VPS53: variants seen among roughly 807,000 people sequenced by gnomAD.
The protein encoded by VPS53 is vacuolar protein sorting-associated protein 53 homolog.
Under a neutral mutation model 107.0 loss-of-function variants are expected in VPS53, and 70 were observed. That is an observed-to-expected ratio of 0.65 (90% CI 0.54 to 0.80). The LOEUF (loss-of-function observed/expected upper bound fraction) is 0.80, where lower values mean the gene tolerates loss of function less well. VPS53 is among the 30% of genes least tolerant of loss of function. VPS53 has a pLI of 0.00. For missense variants in VPS53, 917 were observed against 1,049.4 expected (o/e 0.87, Z 1.74); for synonymous variants, 409 against 393.3 (o/e 1.04, Z -0.47).
At chr17:563,549 C>G (rs1005891614) in intron 13 of VPS53, among the ~76,000 whole-genome samples, 9 of 152,178 alleles carry the variant, frequency 5.9e-5, no homozygotes, top group Admixed American at 5.9e-4. Flanking sequence ...CCACCTTGGC[C>G]TCCCAAAGTG....
chr17:619,577 C>T (rs544864273), intron 11 of VPS53, among the ~76,000 whole-genome samples: 1 of 124,740 alleles, frequency 8.0e-6, no homozygotes, highest in East Asian at 2.5e-4. Context: ...TGCACCACCA[C>T]ACCCCGCTAA....
chr17:559,182 GA>G (rs1157742436), intron 15 of VPS53, among the ~76,000 whole-genome samples: 1 of 152,114 alleles, frequency 6.6e-6, no homozygotes, highest in East Asian at 1.9e-4. Flanking sequence ...AGTGAATTAA[GA>G]TTGTAACATT....
chr17:625,852 G>C (rs1403936582), intron 10 of VPS53, among the ~76,000 whole-genome samples: 1 of 152,186 alleles, frequency 6.6e-6, no homozygotes, highest in African/African-American at 2.4e-5. Context: ...GGAAAAGGTG[G>C]TTGAGTTATG....
chr17:652,337 C>A (rs1295905453), intron 7 of VPS53, among the ~76,000 whole-genome samples: 2 of 152,184 alleles, frequency 1.3e-5, no homozygotes, highest in African/African-American at 4.8e-5. Context: ...GCAATCTATC[C>A]CATCCCACAT....
Position 653,525 on chromosome 17 carries a change from C to T in VPS53, c.489-115G>A, listed in dbSNP as rs989014022. The stretch of plus-strand genomic sequence containing the variant: ...ATATCAACTCAGCTGAATCAACGTT[C>T]GCTGAGCACTGAGTATATAAGCTGC... On this transcript the variant is annotated intron_variant, in intron 6 of 21. Transcript: ENST00000437048. 1.9e-5 allele frequency: 28 copies of T among 1,485,162 alleles called. No individual in the cohort carries two copies. The African/African-American group carries it at 2.7e-4, about 14-fold the overall frequency. The allele number at this position is 1,485,162 out of a possible 1,614,324, so 92.0% of individuals were successfully genotyped here.
chr17:655,015 C>A (rs983487426), intron 6 of VPS53, among the ~76,000 whole-genome samples: 1 of 152,126 alleles, frequency 6.6e-6, no homozygotes, highest in Admixed American at 6.5e-5. Context: ...GGAAGGGGCC[C>A]GCCCCTCCTC....
chr17:538,585 T>G (rs1365344336), intron 17 of VPS53: 1 of 152,136 alleles, frequency 6.6e-6, no homozygotes, highest in Non-Finnish European at 1.5e-5. Context: ...CTCAAATGAC[T>G]CCTAATGTTT....
chr17:531,745 T>G, intron 19 of VPS53, among the ~76,000 whole-genome samples: 1 of 149,450 alleles, frequency 6.7e-6, no homozygotes, highest in Non-Finnish European at 1.5e-5. Context: ...GATCCTCCCA[T>G]CTCAGCCTCC....
Position 642,950 on chromosome 17 carries a change from G to A in VPS53, c.608+10341C>T, listed in dbSNP as rs1465358290. Among the ~76,000 whole-genome samples, 3 of 105,784 alleles carry A rather than the reference G, an allele frequency of 2.8e-5. 1 individual carries two copies. The highest frequency in any genetic ancestry group is 6.6e-5 in the Non-Finnish European group (3 of 45,434). 69.4% of individuals were successfully genotyped at this position (105,784 alleles called of 152,430 possible). On this transcript the variant is annotated intron_variant, in intron 7 of 21. Transcript: ENST00000437048. ...AGGACAACACTCATACTTGGCAACC[G>A]AGGACAACTCTCATACTTGGAAAGC...
At chr17:601,737 C>T (rs1968334010) in intron 12 of VPS53, 58 bp downstream of exon 12, 4 of 1,389,434 alleles carry the variant, frequency 2.9e-6, no homozygotes, top group Non-Finnish European at 4.0e-6. Context: ...AGCAAGCAGA[C>T]CGATTTTCAG....
At chr17:654,752 A>G (rs893510407) in intron 6 of VPS53, among the ~76,000 whole-genome samples, 1 of 99,876 alleles carries the variant, frequency 1.0e-5, no homozygotes, top group African/African-American at 3.1e-5. Flanking sequence ...AAAAAAAAAA[A>G]AAGAAAAAAG....
intron 11 of VPS53, among the ~76,000 whole-genome samples, chr17:605,018 G>A (rs182337885): frequency 1.2e-4 from 18 of 152,290 alleles, no homozygotes; most frequent in Admixed American, 7.2e-4. Context: ...AAAAGCAGTC[G>A]TCATGGAAAC....
At chr17:713,876 A>AC (rs11397938) in intron 1 of VPS53, among the ~76,000 whole-genome samples, 13 of 101,768 alleles carry the variant, frequency 1.3e-4, no homozygotes, top group African/African-American at 4.3e-4. Flanking sequence ...CCCCGTCTTT[A>AC]CCCCAAAAAA....
At chr17:661,921 A>G (rs1243696011) in intron 4 of VPS53, 26 bp from the exon 5 acceptor site, 5 of 1,542,150 alleles carry the variant, frequency 3.2e-6, no homozygotes, top group East Asian at 4.9e-5. Context: ...TACATGAAAA[A>G]CAAAAAGTGG....
intron 11 of VPS53, chr17:616,703 T>C (rs1174021720): frequency 2.0e-5 from 3 of 152,304 alleles, no homozygotes; most frequent in African/African-American, 7.2e-5. Context: ...CTGACAGTCC[T>C]GTACCTGTGT....
chr17:551,287 C>T (rs1293967010), intron 17 of VPS53, among the ~76,000 whole-genome samples: 2 of 152,026 alleles, frequency 1.3e-5, no homozygotes, highest in African/African-American at 4.8e-5. Flanking sequence ...TCCATCTCAG[C>T]TGGGCACTGT....
intron 11 of VPS53, among the ~76,000 whole-genome samples, chr17:622,366 T>C (rs531795370): frequency 1.1e-4 from 17 of 148,922 alleles, no homozygotes; most frequent in Non-Finnish European, 2.2e-4. Flanking sequence ...ATCACTTTGC[T>C]TCTCTATTGT....
chr17:633,235 C>T (rs1027105629), intron 7 of VPS53, among the ~76,000 whole-genome samples: 4 of 152,192 alleles, frequency 2.6e-5, no homozygotes, highest in South Asian at 2.1e-4. Context: ...CACAATCGAT[C>T]GCATGCTGTG....
At chr17:531,945 GT>G (rs145507855) in intron 19 of VPS53, 4,283 of 78,488 alleles carry the variant, frequency 0.055, 191 homozygotes, top group East Asian at 0.31. Flanking sequence ...CTGGCTAATT[GT>G]TTTTTTTTTT....
Sources: allele counts gnomAD v4.1 joint callset (sites outside exome capture counted in the v4.1 genomes callset), GRCh38; gene constraint gnomAD v4.1.1; transcripts MANE v1.5; gene names NCBI Gene and HGNC (gene_info 2026-07-23, HGNC 2026-07-21).